SUPT3H: variants seen among roughly 807,000 people sequenced by gnomAD.
SUPT3H encodes transcription initiation protein SPT3 homolog.
In SUPT3H, 44 loss-of-function variants were observed where a neutral mutation model predicts 44.3. That is an observed-to-expected ratio of 0.99 (90% confidence interval 0.78 to 1.28). The LOEUF is 1.28. Among genes scored for constraint, SUPT3H ranks in the 50% most tolerant of loss-of-function variants. The pLI, the probability that SUPT3H is intolerant of heterozygous loss-of-function variation, is 0.00. For synonymous variants in SUPT3H, 124 were observed against 125.6 expected (o/e 0.99, Z 0.09); for missense variants, 380 against 387.1 (o/e 0.98, Z 0.15).
chr6:45,230,686 A>ATATT lies in SUPT3H; in HGVS notation c.102-124681_102-124680insAATA, dbSNP rs796866510. The stretch of plus-strand genomic sequence containing the variant: ...TCTATATATATATATATATATATAT[A>ATATT]TTTTTGAGATGGAGTCTTGCTCTAT... On this transcript the variant is annotated intron_variant, in intron 2 of 10. Coordinates refer to ENST00000371459, the MANE Select transcript of SUPT3H (RefSeq NM_003599.4). 4.0e-3 allele frequency among the ~76,000 whole-genome samples: 467 copies of ATATT among 116,810 alleles called. 12 individuals carry two copies. The highest frequency in any genetic ancestry group is 1.0e-2 in the African/African-American group (318 of 31,832). 76.6% of individuals were successfully genotyped at this position (116,810 alleles called of 152,430 possible).
chr6:44,972,130 G>T (rs909042251), intron 6 of SUPT3H, among the ~76,000 whole-genome samples: 1 of 152,196 alleles, frequency 6.6e-6, no homozygotes, highest in South Asian at 2.1e-4. Flanking sequence ...CAAGTCCAAA[G>T]TCTCATCTGA....
intron 6 of SUPT3H, among the ~76,000 whole-genome samples, chr6:44,994,379 G>A (rs1780999945): frequency 6.6e-6 from 1 of 152,100 alleles, no homozygotes; most frequent in Non-Finnish European, 1.5e-5. Flanking sequence ...CTAGAGAGTT[G>A]AACAGAGCGC....
intron 2 of SUPT3H, among the ~76,000 whole-genome samples, chr6:45,139,289 C>T (rs1016894811): frequency 6.6e-6 from 1 of 152,104 alleles, no homozygotes; most frequent in East Asian, 1.9e-4. Flanking sequence ...ATTTTACAAA[C>T]AATTATTGTG....
intron 6 of SUPT3H, among the ~76,000 whole-genome samples, chr6:44,994,327 T>C (rs1250685983): frequency 6.6e-6 from 1 of 152,068 alleles, no homozygotes. Flanking sequence ...AAGAAAAAGA[T>C]TTGCATTCAT....
At chr6:45,193,621 C>T (rs766720107) in intron 2 of SUPT3H, among the ~76,000 whole-genome samples, 48 of 152,068 alleles carry the variant, frequency 3.2e-4, no homozygotes, top group Non-Finnish European at 5.1e-4. Flanking sequence ...GAGGCTGAGG[C>T]AGGAGAATCG....
chr6:45,305,554 A>C (rs1397807385), intron 2 of SUPT3H, among the ~76,000 whole-genome samples: 1 of 152,156 alleles, frequency 6.6e-6, no homozygotes, highest in Non-Finnish European at 1.5e-5. Flanking sequence ...CCCTTTCTTT[A>C]TGTGGTTTTA....
intron 9 of SUPT3H, among the ~76,000 whole-genome samples, chr6:44,949,248 G>A (rs557173469): frequency 2.0e-5 from 3 of 152,180 alleles, no homozygotes; most frequent in Non-Finnish European, 2.9e-5. Context: ...TGTGGGGTGG[G>A]GGGAATGGGG....
At chr6:45,002,149 G>T (rs954483715) in intron 6 of SUPT3H, among the ~76,000 whole-genome samples, 1 of 152,042 alleles carries the variant, frequency 6.6e-6, no homozygotes, top group Non-Finnish European at 1.5e-5. Context: ...CTGGTTACCA[G>T]TATGTAATAC....
intron 2 of SUPT3H, among the ~76,000 whole-genome samples, chr6:45,126,698 A>G (rs1802480912): frequency 6.6e-6 from 1 of 152,192 alleles, no homozygotes; most frequent in South Asian, 2.1e-4. Flanking sequence ...TCTAAGGGAG[A>G]AGCCTGGAAT....
At chr6:44,964,817 T>C (rs1351265602) in intron 6 of SUPT3H, among the ~76,000 whole-genome samples, 1 of 152,170 alleles carries the variant, frequency 6.6e-6, no homozygotes, top group Admixed American at 6.5e-5. Flanking sequence ...CAAAGACTTA[T>C]AGACAATACA....
chr6:45,136,558 G>T (rs1445497403), intron 2 of SUPT3H, among the ~76,000 whole-genome samples: 1 of 151,228 alleles, frequency 6.6e-6, no homozygotes, highest in African/African-American at 2.4e-5. Flanking sequence ...CTAAAGGAAA[G>T]TATAACAACA....
In SUPT3H at chr6:45,204,531, G is replaced by A. The variant is rs548491414; in HGVS notation, c.102-98525C>T. Reference sequence around the variant, plus strand: ...TGGGTTCAAGGAGGACAAGAGTCAGGAAGATGCTCGTTCCTTCCACATATA... The same window carrying A: ...TGGGTTCAAGGAGGACAAGAGTCAGAAAGATGCTCGTTCCTTCCACATATA... On this transcript the variant is annotated intron_variant, in intron 2 of 10. Transcript: ENST00000371459. 8.4e-4 allele frequency among the ~76,000 whole-genome samples: 128 copies of A among 152,280 alleles called. 1 individual carries two copies. The highest frequency in any genetic ancestry group is 1.5e-3 in the Non-Finnish European group (105 of 68,016).
chr6:44,943,016 C>T (rs1207488590), intron 9 of SUPT3H, among the ~76,000 whole-genome samples: 1 of 152,084 alleles, frequency 6.6e-6, no homozygotes. Context: ...ACCAGACATG[C>T]AAAACACAAG....
chr6:44,972,487 T>C (rs1397290581), intron 6 of SUPT3H, among the ~76,000 whole-genome samples: 2 of 152,150 alleles, frequency 1.3e-5, no homozygotes, highest in African/African-American at 2.4e-5. Flanking sequence ...ATCTGCGGCT[T>C]TTCCAGGAAC....
At chr6:45,213,088 A>C (rs1764397727) in intron 2 of SUPT3H, among the ~76,000 whole-genome samples, 1 of 152,230 alleles carries the variant, frequency 6.6e-6, no homozygotes. Context: ...CAAAAAGACA[A>C]AACAACTGTG....
chr6:45,117,321 A>G (rs72869143), intron 2 of SUPT3H, among the ~76,000 whole-genome samples: 5,327 of 152,214 alleles, frequency 0.035, 123 homozygotes, highest in Non-Finnish European at 0.056. Flanking sequence ...CATCTCATCC[A>G]GCAGAACATC....
In SUPT3H at chr6:45,003,751, T is replaced by A. The variant is rs770419769; in HGVS notation, c.406A>T (p.Ile136Phe). The change falls in exon 6 of 11, where the codon ATT (isoleucine) becomes TTT (phenylalanine). Residue 136 changes from isoleucine to phenylalanine, a missense_variant. Ile to Phe is a conservative substitution (Grantham distance 21). Coordinates refer to ENST00000371459, the MANE Select transcript of SUPT3H (RefSeq NM_003599.4). ...GSNNANKRQK[I>F]AQDFLNSIDQ... ...ATAGAGTTGAGGAAGTCCTGAGCAA[T>A]CTTTTGTCTTTTGTTCGCATTATTG... 5.0e-6 allele frequency: 8 copies of A among 1,613,672 alleles called. No individual in the cohort carries two copies. The East Asian group carries it at 1.8e-4, about 36-fold the overall frequency.
intron 9 of SUPT3H, among the ~76,000 whole-genome samples, chr6:44,939,645 C>T (rs548289587): frequency 6.6e-6 from 1 of 152,056 alleles, no homozygotes; most frequent in African/African-American, 2.4e-5. Context: ...GGTATTAATT[C>T]TTCTTTGTAC....
chr6:44,974,252 T>A (rs1777999604), intron 6 of SUPT3H, among the ~76,000 whole-genome samples: 1 of 151,600 alleles, frequency 6.6e-6, no homozygotes, highest in Admixed American at 6.6e-5. Context: ...CATGTTTGTA[T>A]ATATAAATAT....
Sources: allele counts gnomAD v4.1 joint callset (sites outside exome capture counted in the v4.1 genomes callset), GRCh38; gene constraint gnomAD v4.1.1; transcripts MANE v1.5; gene names NCBI Gene and HGNC (gene_info 2026-07-23, HGNC 2026-07-21).